Variants in KMT2E observed in about 807,000 individuals in gnomAD.
KMT2E encodes the protein lysine methyltransferase 2E (inactive).
KMT2E carries 30 observed loss-of-function variants against 184.6 expected under a neutral mutation model. That is an observed-to-expected ratio of 0.16 (90% CI 0.12 to 0.22). The LOEUF (loss-of-function observed/expected upper bound fraction) is 0.22, where lower values mean the gene tolerates loss of function less well. Among genes scored for constraint, KMT2E ranks in the 10% least tolerant of loss-of-function variants. The probability of loss-of-function intolerance (pLI) is 1.00; values close to 1 mark genes in which losing one functional copy is unlikely to be tolerated. For missense variants in KMT2E, 2,023 were observed against 2,237.4 expected (o/e 0.90, Z 1.93); for synonymous variants, 815 against 776.5 (o/e 1.05, Z -0.82).
chr7:105,061,735 C>T (rs1796820092), intron 3 of KMT2E, among the ~76,000 whole-genome samples: 2 of 152,136 alleles, frequency 1.3e-5, no homozygotes, highest in South Asian at 4.1e-4. Flanking sequence ...TATCTGGTCA[C>T]ACTCAACACA....
At chr7:105,079,031 A>C (rs1371757539) in intron 12 of KMT2E, 68 bp downstream of exon 12, 2 of 835,836 alleles carry the variant, frequency 2.4e-6, no homozygotes, top group Non-Finnish European at 4.2e-6. Context: ...AGCAATAAGC[A>C]CAAAACTCAG....
At chr7:105,059,978 G>GCTTT (rs1796733911) in intron 3 of KMT2E, among the ~76,000 whole-genome samples, 2 of 51,764 alleles carry the variant, frequency 3.9e-5, no homozygotes, top group Admixed American at 3.2e-4. Flanking sequence ...TCTTGTTGTT[G>GCTTT]TTTTTTTTTT....
intron 13 of KMT2E, among the ~76,000 whole-genome samples, chr7:105,085,891 C>T (rs1286588161): frequency 1.3e-5 from 2 of 152,132 alleles, no homozygotes; most frequent in African/African-American, 4.8e-5. Context: ...CCAGGATGGT[C>T]TCCATCCCCT....
At position 105,062,174 on chromosome 7, in the gene KMT2E, G is replaced by T; in HGVS notation, c.82G>T (p.Val28Leu). ...ACTTTTTCCCCCCAGACCAGAATCC[G>T]TAGAAGCTAGCCCTGTGGTAGTTGA... ...EMAAGSEPESVEASPVVVEKS... is the reference protein window; with the variant it reads ...EMAAGSEPESLEASPVVVEKS... Residue 28 changes from valine (V) to leucine (L), a missense_variant, in exon 4 of 27, where the codon GTA (valine) becomes TTA (leucine). Coordinates refer to ENST00000311117, the MANE Select transcript of KMT2E (RefSeq NM_182931.3). 2 of 1,610,166 alleles carry T rather than the reference G, an allele frequency of 1.2e-6. No homozygotes were observed. The highest frequency in any genetic ancestry group is 1.7e-6 in the Non-Finnish European group (2 of 1,177,036).
intron 1 of KMT2E, among the ~76,000 whole-genome samples, chr7:105,024,881 A>G (rs1019434163): frequency 2.0e-5 from 3 of 152,124 alleles, no homozygotes; most frequent in Admixed American, 6.5e-5. Context: ...CTCTCTGTCT[A>G]CTGCTTGTGT....
At chr7:105,015,226 T>C (rs1794666187) in intron 1 of KMT2E, among the ~76,000 whole-genome samples, 1 of 152,174 alleles carries the variant, frequency 6.6e-6, no homozygotes, top group Non-Finnish European at 1.5e-5. Context: ...ATGGCTCATT[T>C]CAGAAAAGCT....
chr7:105,102,216 G>T (rs758445124), intron 17 of KMT2E, 22 bp downstream of exon 17: 2 of 1,547,988 alleles, frequency 1.3e-6, no homozygotes, highest in Middle Eastern at 1.7e-4. Flanking sequence ...ATGAATGTAA[G>T]AACTGTTTTT....
At position 105,109,187 on chromosome 7, in the gene KMT2E, G is replaced by A. The variant is rs943169100; in HGVS notation, c.3714G>A (p.Lys1238=). ...AAACTAGCAATAACTGCCCTGTTAA[G>A]GATGCTACTGCTAGTGAGAAGAATG... The part of the protein sequence containing the change: ...SEETSNNCPV[K]DATASEKNEP... The change falls in exon 23 of 27, where the codon AAG becomes AAA. Residue 1238 remains lysine, a synonymous_variant. Transcript: ENST00000311117. 11 of 1,613,894 alleles carry A rather than the reference G, an allele frequency of 6.8e-6. No homozygotes were observed. Among genetic ancestry groups the A allele is most frequent in the African/African-American group, 2.7e-5 (2 of 74,918 alleles).
At chr7:105,016,392 G>A (rs935186405) in intron 1 of KMT2E, among the ~76,000 whole-genome samples, 1 of 152,100 alleles carries the variant, frequency 6.6e-6, no homozygotes, top group Non-Finnish European at 1.5e-5. Context: ...TTAAAAGTAA[G>A]GCTCCGATTC....
chr7:105,096,435 A>G (rs1457594178), intron 15 of KMT2E, among the ~76,000 whole-genome samples: 1 of 152,130 alleles, frequency 6.6e-6, no homozygotes, highest in African/African-American at 2.4e-5. Context: ...GAGTCCACAG[A>G]AGATGATTCA....
chr7:105,079,511 C>CTTTTT lies in KMT2E; in HGVS notation c.1248+574_1248+578dup, dbSNP rs66734303. ...CTTATAAGAGGAAATATTGGACTTC[C>CTTTTT]TTTTTTTTTTTTTTTTTTTTTTTTT... is the stretch of plus-strand genomic sequence containing the variant. On this transcript the variant is annotated intron_variant, in intron 12 of 26. Coordinates refer to ENST00000311117, the MANE Select transcript of KMT2E (RefSeq NM_182931.3). 4.9e-3 allele frequency among the ~76,000 whole-genome samples: 306 copies of CTTTTT among 62,336 alleles called. 59 individuals carry two copies. In the East Asian group the frequency reaches 0.067, roughly 14 times the overall value. The allele number at this position is 62,336 out of a possible 152,430, so 40.9% of individuals were successfully genotyped here.
rs1027554650 is a variant in KMT2E at position 105,074,803 on chromosome 7, A to G, written c.717A>G (p.Ser239=). ...GCGGGGAGAAAGAACAACACATTTCAAAATGTAAAAAGGTACGTTTTTGCT... is the reference window on the plus strand; with the variant it reads ...GCGGGGAGAAAGAACAACACATTTCGAAATGTAAAAAGGTACGTTTTTGCT... ...KKSGEKEQHI[S]KCKKAFREGS... is the part of the protein sequence containing the mutation. The change falls in exon 8 of 27, where the codon TCA becomes TCG. Residue 239 remains serine (S), a synonymous_variant. Transcript: ENST00000311117. The G allele has an allele frequency of 6.2e-7, 1 of 1,602,654 alleles. No individual in the cohort carries two copies. Among genetic ancestry groups the G allele is most frequent in the African/African-American group, 1.3e-5 (1 of 74,190 alleles).
chr7:105,019,305 G>C (rs1235146144), intron 1 of KMT2E, among the ~76,000 whole-genome samples: 1 of 152,128 alleles, frequency 6.6e-6, no homozygotes, highest in African/African-American at 2.4e-5. Context: ...CACTTGATAT[G>C]AAATCAGTTC....
intron 3 of KMT2E, among the ~76,000 whole-genome samples, chr7:105,050,337 G>C (rs73718226): frequency 0.031 from 4,777 of 152,118 alleles, 241 homozygotes; most frequent in African/African-American, 0.11. Context: ...AACCACTATT[G>C]GTCATTTTTT....
At chr7:105,072,703 G>T (rs182627762) in intron 6 of KMT2E, among the ~76,000 whole-genome samples, 2 of 151,960 alleles carry the variant, frequency 1.3e-5, no homozygotes, top group African/African-American at 4.8e-5. Flanking sequence ...ATCACCTTAG[G>T]CCAGGAGTTT....
At chr7:105,094,053 G>A (rs937716986) in intron 15 of KMT2E, among the ~76,000 whole-genome samples, 6 of 152,146 alleles carry the variant, frequency 3.9e-5, no homozygotes, top group African/African-American at 1.4e-4. Context: ...TTGCTTTGAT[G>A]TTTGCATTAC....
chr7:105,018,517 T>C (rs1048507143), intron 1 of KMT2E, among the ~76,000 whole-genome samples: 4 of 152,218 alleles, frequency 2.6e-5, no homozygotes, highest in African/African-American at 7.2e-5. Context: ...TTCCCTGTTA[T>C]GTGTTAGAAT....
intron 3 of KMT2E, among the ~76,000 whole-genome samples, chr7:105,060,818 A>G (rs1456777035): frequency 6.6e-6 from 1 of 152,156 alleles, no homozygotes; most frequent in Non-Finnish European, 1.5e-5. Context: ...TGTGTTACCT[A>G]CGATATTCAG....
intron 17 of KMT2E, 84 bp from the exon 18 acceptor site, chr7:105,105,330 CCCAATTTATCATTTTAGATAATACA>C: frequency 2.7e-6 from 2 of 748,236 alleles, no homozygotes; most frequent in Non-Finnish European, 4.2e-6. Flanking sequence ...ATTTAAATTA[CCCAATTTATCATTTTAGATAATACA>C]CCAATTTCAA....
Sources: allele counts gnomAD v4.1 joint callset (sites outside exome capture counted in the v4.1 genomes callset), GRCh38; gene constraint gnomAD v4.1.1; transcripts MANE v1.5; gene names NCBI Gene and HGNC (gene_info 2026-07-23, HGNC 2026-07-21).